OPCML: variants seen among roughly 807,000 people sequenced by gnomAD.
OPCML encodes opioid binding protein/cell adhesion molecule like, also known as opioid-binding protein/cell adhesion molecule.
In OPCML, 13 loss-of-function variants were observed where a neutral mutation model predicts 37.8. The ratio of observed to expected loss-of-function variants is 0.34; its 90% CI spans 0.22 to 0.55. OPCML has a LOEUF of 0.55. Ranked by LOEUF, OPCML falls within the 20% of genes least tolerant of loss-of-function variation. The probability of loss-of-function intolerance (pLI) is 0.91; values close to 1 mark genes in which losing one functional copy is unlikely to be tolerated. For synonymous variants in OPCML, 176 were observed against 168.8 expected (o/e 1.04, Z -0.33); for missense variants, 341 against 435.6 (o/e 0.78, Z 1.93).
intron 4 of OPCML, among the ~76,000 whole-genome samples, chr11:132,476,852 TA>T (rs951473881): frequency 2.6e-5 from 4 of 151,058 alleles, no homozygotes; most frequent in East Asian, 1.9e-4. Context: ...ATAAAAAAAT[TA>T]AAAAAAATTA....
chr11:132,577,569 C>A (rs1283472684), intron 3 of OPCML, among the ~76,000 whole-genome samples: 6 of 152,002 alleles, frequency 3.9e-5, no homozygotes, highest in Non-Finnish European at 7.4e-5. Flanking sequence ...AATACCCTAC[C>A]GAAAGGTAAC....
intron 2 of OPCML, among the ~76,000 whole-genome samples, chr11:132,661,857 T>G (rs1941989991): frequency 6.6e-6 from 1 of 152,198 alleles, no homozygotes; most frequent in African/African-American, 2.4e-5. Context: ...TGTGTTCTAT[T>G]AATATTATAT....
intron 3 of OPCML, among the ~76,000 whole-genome samples, chr11:132,605,420 T>C (rs1260577567): frequency 2.0e-5 from 3 of 149,622 alleles, no homozygotes; most frequent in African/African-American, 7.4e-5. Flanking sequence ...AAAAGTTAGC[T>C]GAGTGTGATG....
intron 3 of OPCML, among the ~76,000 whole-genome samples, chr11:132,593,300 G>C (rs541689827): frequency 4.6e-5 from 7 of 152,166 alleles, no homozygotes; most frequent in Non-Finnish European, 1.5e-5. Flanking sequence ...GAGGAGAGCA[G>C]TGGAAGGCGA....
At chr11:132,554,002 AG>A (rs2096388486) in intron 3 of OPCML, among the ~76,000 whole-genome samples, 1 of 152,180 alleles carries the variant, frequency 6.6e-6, no homozygotes, top group Non-Finnish European at 1.5e-5. Context: ...AGTGATGAGG[AG>A]CTGGCCAATG....
chr11:133,008,342 C>T (rs1231704830), intron 1 of OPCML: 1 of 985,162 alleles, frequency 1.0e-6, no homozygotes, highest in East Asian at 1.1e-4. Context: ...GGGAAAGAGA[C>T]CTGAAAGGAA....
intron 1 of OPCML, among the ~76,000 whole-genome samples, chr11:132,967,115 C>T (rs866586301): frequency 3.7e-4 from 56 of 152,070 alleles, no homozygotes; most frequent in African/African-American, 1.3e-3. Flanking sequence ...CTGCTTTCTT[C>T]ATATTATATG....
intron 1 of OPCML, among the ~76,000 whole-genome samples, chr11:133,517,855 C>T (rs971794747): frequency 5.9e-5 from 9 of 152,190 alleles, no homozygotes; most frequent in African/African-American, 2.2e-4. Flanking sequence ...CTCGTGACCA[C>T]TGTGTGTGCA....
chr11:133,195,009 T>C (rs1045811948), intron 1 of OPCML, among the ~76,000 whole-genome samples: 1 of 152,234 alleles, frequency 6.6e-6, no homozygotes, highest in Non-Finnish European at 1.5e-5. Flanking sequence ...AATTATTAAC[T>C]GTTCCACTTT....
chr11:133,288,843 CA>C (rs1438254991), intron 1 of OPCML, among the ~76,000 whole-genome samples: 1 of 152,084 alleles, frequency 6.6e-6, no homozygotes, highest in Non-Finnish European at 1.5e-5. Flanking sequence ...GGGTGTCGGC[CA>C]AAGGCTCATG....
At chr11:132,695,663 C>G (rs1204379148) in intron 2 of OPCML, among the ~76,000 whole-genome samples, 1 of 152,280 alleles carries the variant, frequency 6.6e-6, no homozygotes, top group Non-Finnish European at 1.5e-5. Context: ...CCAGCAGGAC[C>G]TGAACTTGGA....
At chr11:132,456,470 C>T (rs2096083159) in intron 4 of OPCML, among the ~76,000 whole-genome samples, 1 of 152,174 alleles carries the variant, frequency 6.6e-6, no homozygotes, top group Non-Finnish European at 1.5e-5. Context: ...TATATCTAGT[C>T]AAATACCCTC....
chr11:132,695,183 C>G (rs920179427), intron 2 of OPCML, among the ~76,000 whole-genome samples: 4 of 150,892 alleles, frequency 2.7e-5, no homozygotes, highest in Non-Finnish European at 5.9e-5. Context: ...ATGAAAAATA[C>G]GGAGAGAGAG....
intron 1 of OPCML, among the ~76,000 whole-genome samples, chr11:133,243,825 T>G (rs1940819210): frequency 6.6e-6 from 1 of 152,224 alleles, no homozygotes; most frequent in Non-Finnish European, 1.5e-5. Context: ...GAAAAGCAAC[T>G]GCTGCAAGCC....
At chr11:132,576,573 T>C (rs962978712) in intron 3 of OPCML, among the ~76,000 whole-genome samples, 1 of 152,184 alleles carries the variant, frequency 6.6e-6, no homozygotes, top group Non-Finnish European at 1.5e-5. Context: ...GACAGCTCTT[T>C]TGAATTCTCT....
intron 1 of OPCML, among the ~76,000 whole-genome samples, chr11:132,984,859 C>G (rs577837303): frequency 6.6e-6 from 1 of 152,150 alleles, no homozygotes; most frequent in Non-Finnish European, 1.5e-5. Context: ...CCCTGCCGCC[C>G]GCTTCCTCTG....
chr11:132,861,429 C>A (rs1028547579), intron 2 of OPCML, among the ~76,000 whole-genome samples: 1 of 152,136 alleles, frequency 6.6e-6, no homozygotes, highest in African/African-American at 2.4e-5. Context: ...TCAAAAATGT[C>A]TACATATGTA....
chr11:132,673,989 A>G (rs1328219145), intron 2 of OPCML, among the ~76,000 whole-genome samples: 1 of 152,040 alleles, frequency 6.6e-6, no homozygotes, highest in African/African-American at 2.4e-5. Context: ...CCTTTTTCCA[A>G]TTGACCAGTA....
chr11:133,407,746 GGA>G (rs1945555512), intron 1 of OPCML, among the ~76,000 whole-genome samples: 1 of 152,220 alleles, frequency 6.6e-6, no homozygotes. Context: ...TCAGAGAGGA[GGA>G]GAGTGGACTA....
Sources: gnomAD v4.1 joint callset for allele counts (sites outside exome capture counted in the v4.1 genomes callset) on GRCh38, gnomAD v4.1.1 for gene constraint, MANE v1.5 for transcripts, NCBI Gene and HGNC (gene_info 2026-07-23, HGNC 2026-07-21) for gene names.